Variants in CSDE1 observed in about 807,000 individuals in gnomAD.
CSDE1 encodes the protein cold shock domain-containing protein E1.
CSDE1 carries 17 observed loss-of-function variants against 89.3 expected under a neutral mutation model. The observed-to-expected ratio is 0.19, with a 90% confidence interval of 0.13 to 0.29. The LOEUF is 0.29. Among genes scored for constraint, CSDE1 ranks in the 10% least tolerant of loss-of-function variants. CSDE1 has a pLI of 1.00. For synonymous variants in CSDE1, 322 were observed against 332.8 expected (o/e 0.97, Z 0.35); for missense variants, 672 against 984.2 (o/e 0.68, Z 4.24).
intron 5 of CSDE1, 146 bp from the exon 6 acceptor site, chr1:114,737,001 T>C (rs1271097355): frequency 5.0e-6 from 3 of 604,676 alleles, no homozygotes; most frequent in African/African-American, 3.7e-5. Flanking sequence ...ACTTTATTCA[T>C]ATAAACACAC....
chr1:114,720,739 T>TAA (rs1659469552), intron 16 of CSDE1, 22 bp from the exon 17 acceptor site: 8 of 1,611,004 alleles, frequency 5.0e-6, no homozygotes, highest in Non-Finnish European at 6.8e-6. Context: ...GTACAAAGTC[T>TAA]AAAAGCTAGT....
chr1:114,747,630 C>T (rs1018338848), intron 2 of CSDE1, among the ~76,000 whole-genome samples: 12 of 152,062 alleles, frequency 7.9e-5, no homozygotes, highest in South Asian at 2.1e-4. Context: ...GAGGCCGAGG[C>T]GGGTGGATCA....
At chr1:114,722,622 C>T (rs1659589942) in intron 16 of CSDE1, among the ~76,000 whole-genome samples, 1 of 152,148 alleles carries the variant, frequency 6.6e-6, no homozygotes, top group South Asian at 2.1e-4. Context: ...TAAATAAAAC[C>T]CTTGCTTTGG....
At chr1:114,749,328 C>T (rs940039913) in intron 2 of CSDE1, among the ~76,000 whole-genome samples, 8 of 152,180 alleles carry the variant, frequency 5.3e-5, no homozygotes, top group Non-Finnish European at 1.2e-4. Context: ...CTAGCAATGC[C>T]TAACAATACA....
At chr1:114,725,428 A>T in intron 14 of CSDE1, 95 bp from the exon 15 acceptor site, 1 of 931,738 alleles carries the variant, frequency 1.1e-6, no homozygotes, top group South Asian at 1.3e-5. Flanking sequence ...ATGGCATGGC[A>T]TGCTTATTTA....
intron 18 of CSDE1, 101 bp downstream of exon 18, chr1:114,719,478 G>T: frequency 2.7e-6 from 3 of 1,128,294 alleles, no homozygotes; most frequent in South Asian, 1.8e-5. Context: ...AATAATAAGT[G>T]GCAGAAGACA....
At chr1:114,718,530 TCCTGA>T (rs1659329968) in intron 19 of CSDE1, 78 bp downstream of exon 19, 4 of 1,527,366 alleles carry the variant, frequency 2.6e-6, no homozygotes, top group Non-Finnish European at 3.5e-6. Context: ...TCATTAAGTT[TCCTGA>T]CCTATTGTTT....
Position 114,736,830 on chromosome 1 carries a change from G to A in CSDE1, c.428C>T (p.Pro143Leu). 1 of 1,612,590 alleles carries A rather than the reference G, an allele frequency of 6.2e-7. No individual in the cohort carries two copies. The highest frequency in any genetic ancestry group is 8.5e-7 in the Non-Finnish European group (1 of 1,179,192). The change falls in exon 6 of 20, where the codon CCT (proline) becomes CTT (leucine). Residue 143 changes from proline (P) to leucine (L), a missense_variant. Physicochemically the swap from Pro to Leu is moderately conservative, Grantham distance 98. Coordinates refer to ENST00000358528, the MANE Select transcript of CSDE1 (RefSeq NM_001007553.3). ...CTGAACGTTCCCTTCGACATCTTCAGGGGTGTAAGTCAGATAAAACACTTC... is the reference window on the plus strand; with the variant it reads ...CTGAACGTTCCCTTCGACATCTTCAAGGGTGTAAGTCAGATAAAACACTTC... ...NGEVFYLTYT[P>L]EDVEGNVQLE...
At position 114,718,149 on chromosome 1, in the gene CSDE1, G is replaced by A; in HGVS notation, c.*20C>T. 2 of 1,613,712 alleles carry A rather than the reference G, an allele frequency of 1.2e-6. No homozygotes were observed. Among genetic ancestry groups the A allele is most frequent in the South Asian group, 1.1e-5 (1 of 91,074 alleles). On this transcript the variant is annotated 3_prime_UTR_variant, in exon 20 of 20. Transcript: ENST00000358528. ...CCCAACTTGATCATAGTGGATTAAT[G>A]GTGTGCTTTGTGGATGTGGTTAGTC...
intron 14 of CSDE1, 102 bp downstream of exon 14, chr1:114,726,109 G>T: frequency 1.7e-6 from 2 of 1,165,122 alleles, no homozygotes; most frequent in Non-Finnish European, 2.4e-6. Context: ...TATGAAATCT[G>T]AACCTCAACA....
chr1:114,721,187 C>G (rs761163396), intron 16 of CSDE1, among the ~76,000 whole-genome samples: 1 of 151,620 alleles, frequency 6.6e-6, no homozygotes, highest in Non-Finnish European at 1.5e-5. Flanking sequence ...TTTTTTTGTT[C>G]GAATTCTGGC....
At chr1:114,727,443 A>T (rs1314509617) in intron 12 of CSDE1, among the ~76,000 whole-genome samples, 1 of 152,196 alleles carries the variant, frequency 6.6e-6, no homozygotes, top group Non-Finnish European at 1.5e-5. Context: ...AAGGGCAAGA[A>T]GCTTTAGTAT....
Position 114,726,316 on chromosome 1 carries a change from C to T in CSDE1, c.1535G>A (p.Arg512His), listed in dbSNP as rs765999933. The stretch of plus-strand genomic sequence containing the variant: ...CAAGAGCCTCTTGGAGTTAGAATTA[C>T]GACCTAAAAGTCGCACACAAGTTGC... ...QVATCVRLLG[R>H]NSNSKRLLGY... is the part of the protein sequence containing the mutation. Residue 512 changes from arginine (R) to histidine (H), a missense_variant, in exon 14 of 20, where the codon CGT becomes CAT. Physicochemically the swap from Arg to His is conservative, Grantham distance 29. Transcript: ENST00000358528. 1.9e-5 allele frequency: 30 copies of T among 1,613,672 alleles called. No individual in the cohort carries two copies. The highest frequency in any genetic ancestry group is 7.7e-5 in the South Asian group (7 of 90,968).
chr1:114,718,624 C>T lies in CSDE1; in HGVS notation c.2338G>A (p.Asp780Asn), dbSNP rs1172597436. 8 of 1,614,098 alleles carry T rather than the reference C, an allele frequency of 5.0e-6. No homozygotes were observed. Among genetic ancestry groups the T allele is most frequent in the Non-Finnish European group, 6.8e-6 (8 of 1,179,980 alleles). The change falls in exon 19 of 20, where the codon GAT (aspartate) becomes AAT (asparagine). Residue 780 changes from aspartate to asparagine, a missense_variant. Transcript: ENST00000358528. Reference sequence around the variant, plus strand: ...GTATGCCCTCATACCATTGAGTTATCTGGTCCCCTTGGCTGACGAAGAACC... The same window carrying T: ...GTATGCCCTCATACCATTGAGTTATTTGGTCCCCTTGGCTGACGAAGAACC... ...LMVLRQPRGP[D>N]NSMGFGAERK...
Position 114,739,682 on chromosome 1 carries a change from G to T in CSDE1, c.199+10C>A. The T allele has an allele frequency of 1.3e-6, 2 of 1,592,542 alleles. No individual in the cohort carries two copies. Among genetic ancestry groups the T allele is most frequent in the South Asian group, 2.2e-5 (2 of 90,496 alleles). Reference sequence around the variant, plus strand: ...GATTACATTTTTACAAAGGAGAACTGACAGATTACCTCCTACTTTTAAGTC... The same window carrying T: ...GATTACATTTTTACAAAGGAGAACTTACAGATTACCTCCTACTTTTAAGTC... On this transcript the variant is annotated intron_variant, in intron 3 of 19. Transcript: ENST00000358528.
Position 114,738,010 on chromosome 1 carries a change from C to T in CSDE1, c.262G>A (p.Val88Met), listed in dbSNP as rs1313364966. Reference sequence around the variant, plus strand: ...GGGAGGATTTCTTGTTTTATCTTCACCAGTTTAACAGCAATGGGTTTCCCA... The same window carrying T: ...GGGAGGATTTCTTGTTTTATCTTCATCAGTTTAACAGCAATGGGTTTCCCA... ...RTGKPIAVKL[V>M]KIKQEILPEE... Residue 88 changes from valine to methionine, a missense_variant, in exon 4 of 20, where the codon GTG becomes ATG. Physicochemically the swap from Val to Met is conservative, Grantham distance 21. Coordinates refer to ENST00000358528, the MANE Select transcript of CSDE1 (RefSeq NM_001007553.3). 6.2e-7 allele frequency: 1 copy of T among 1,614,020 alleles called. No homozygotes were observed. Among genetic ancestry groups the T allele is most frequent in the African/African-American group, 1.3e-5 (1 of 75,028 alleles).
chr1:114,718,726 C>T lies in CSDE1; in HGVS notation c.2236G>A (p.Ala746Thr). ...ACCAACCGATCAGGTCGAGGAGCTG[C>T]AACAGCCTTGGGGCCCTCACTGTAA... ...WRVCEGPKAV[A>T]APRPDRLVNR... The change falls in exon 19 of 20, where the codon GCA becomes ACA. Residue 746 changes from alanine to threonine, a missense_variant. This residue lies in a region of CSDE1 where 206 missense variants were observed against 332.4 expected (regional missense o/e 0.62). Coordinates refer to ENST00000358528, the MANE Select transcript of CSDE1 (RefSeq NM_001007553.3). 1 of 1,614,106 alleles carries T rather than the reference C, an allele frequency of 6.2e-7. No homozygotes were observed. Among genetic ancestry groups the T allele is most frequent in the Non-Finnish European group, 8.5e-7 (1 of 1,180,006 alleles).
intron 1 of CSDE1, among the ~76,000 whole-genome samples, chr1:114,757,134 G>T (rs1332923159): frequency 1.3e-5 from 2 of 152,188 alleles, no homozygotes; most frequent in Non-Finnish European, 2.9e-5. Flanking sequence ...TGGGAGCCAC[G>T]TGCCTAAAAG....
intron 1 of CSDE1, chr1:114,756,865 A>G (rs78782041): frequency 0.051 from 7,699 of 152,348 alleles, 229 homozygotes; most frequent in Middle Eastern, 0.075. Flanking sequence ...GACGGCCGCC[A>G]TCTGGGTGTT....
Sources: gnomAD v4.1 joint callset for allele counts (sites outside exome capture counted in the v4.1 genomes callset) on GRCh38, gnomAD v4.1.1 for gene constraint, gnomAD v4.1.1 regional missense constraint, MANE v1.5 for transcripts, NCBI Gene and HGNC (gene_info 2026-07-23, HGNC 2026-07-21) for gene names.